Variants in COL4A2 observed in about 807,000 individuals in gnomAD.
COL4A2 encodes collagen alpha-2(IV) chain.
In COL4A2, 99 loss-of-function variants were observed where a neutral mutation model predicts 200.2. That is an observed-to-expected ratio of 0.49 (90% CI 0.42 to 0.58). COL4A2 has a LOEUF of 0.58. Ranked by LOEUF, COL4A2 falls within the 20% of genes least tolerant of loss-of-function variation. The pLI is 0.00. For synonymous variants in COL4A2, 897 were observed against 900.6 expected, an observed-to-expected ratio of 1.00 and a Z score of 0.07; for missense variants, 1,950 against 2,314.1, an observed-to-expected ratio of 0.84 and a Z score of 3.23.
At chr13:110,360,665 C>T (rs1023082006) in intron 4 of COL4A2, among the ~76,000 whole-genome samples, 1 of 152,212 alleles carries the variant, frequency 6.6e-6, no homozygotes, top group Admixed American at 6.5e-5. Flanking sequence ...CTTGAGTAAT[C>T]CAAAACTCCG....
intron 17 of COL4A2, among the ~76,000 whole-genome samples, chr13:110,446,164 T>C (rs548173681): frequency 6.6e-6 from 1 of 152,262 alleles, no homozygotes; most frequent in African/African-American, 2.4e-5. Flanking sequence ...GGCCTTGTAG[T>C]AACAAGAGGG....
chr13:110,311,895 G>T (rs1243591377), intron 3 of COL4A2, among the ~76,000 whole-genome samples: 1 of 152,202 alleles, frequency 6.6e-6, no homozygotes, highest in Non-Finnish European at 1.5e-5. Flanking sequence ...TGTCCTCGGG[G>T]CTCCAGCCCC....
chr13:110,501,882 G>A (rs1469331572), intron 41 of COL4A2, 98 bp downstream of exon 41: 5 of 1,212,970 alleles, frequency 4.1e-6, no homozygotes, highest in Admixed American at 2.1e-5. Flanking sequence ...TCATTTCCAC[G>A]CTGTGCCCAG....
intron 3 of COL4A2, chr13:110,328,258 AT>A (rs1875728728): frequency 6.6e-6 from 1 of 152,254 alleles, no homozygotes; most frequent in African/African-American, 2.4e-5. Context: ...TCGGAGGACC[AT>A]GAGTTCCTTG....
intron 4 of COL4A2, among the ~76,000 whole-genome samples, chr13:110,418,561 C>T (rs1880132946): frequency 6.6e-6 from 1 of 152,204 alleles, no homozygotes; most frequent in Non-Finnish European, 1.5e-5. Flanking sequence ...TGTTTCTTTA[C>T]ATGTGGATGT....
chr13:110,438,461 G>A lies in COL4A2; in HGVS notation c.862-157G>A, dbSNP rs553182975. ...GAAGGCTGGCGGGTCTCCTAGGACC[G>A]TGCCCTGCACTGCGCCTGAGTTGAG... is the stretch of plus-strand genomic sequence containing the variant. On this transcript the variant is annotated intron_variant, in intron 14 of 47. Coordinates refer to ENST00000360467, the MANE Select transcript of COL4A2 (RefSeq NM_001846.4). 1.9e-4 allele frequency: 180 copies of A among 969,770 alleles called. 1 individual carries two copies. In the African/African-American group the frequency reaches 2.3e-3, roughly 12 times the overall value. The allele number at this position is 969,770 out of a possible 1,614,324, so 60.1% of individuals were successfully genotyped here.
At chr13:110,442,692 G>A (rs1392645819) in intron 16 of COL4A2, among the ~76,000 whole-genome samples, 1 of 148,938 alleles carries the variant, frequency 6.7e-6, no homozygotes, top group Admixed American at 6.8e-5. Context: ...GAATGGAGAC[G>A]TAGCATTTAT....
chr13:110,492,619 T>C (rs373237038), intron 38 of COL4A2, among the ~76,000 whole-genome samples: 16 of 152,344 alleles, frequency 1.1e-4, no homozygotes, highest in East Asian at 9.7e-4. Context: ...ACCTGTTTGC[T>C]GTGTCCTGCT....
intron 18 of COL4A2, 52 bp from the exon 19 acceptor site, chr13:110,449,627 C>A: frequency 6.7e-7 from 1 of 1,483,334 alleles, no homozygotes; most frequent in Non-Finnish European, 9.0e-7. Context: ...ACGCCAGCTG[C>A]GATCCGTAGA....
chr13:110,466,159 A>C (rs1045004080), intron 26 of COL4A2, 97 bp downstream of exon 26: 5 of 1,416,894 alleles, frequency 3.5e-6, no homozygotes, highest in Non-Finnish European at 4.8e-6. Context: ...AGAAATATTA[A>C]TAATATGTGC....
intron 3 of COL4A2, among the ~76,000 whole-genome samples, chr13:110,342,079 A>G (rs1012439637): frequency 6.6e-6 from 1 of 152,212 alleles, no homozygotes; most frequent in Non-Finnish European, 1.5e-5. Context: ...ACCCTGGCTC[A>G]TTGGTTGACC....
At position 110,503,674 on chromosome 13, in the gene COL4A2, C is replaced by T. The variant is rs4773200; in HGVS notation, c.4139-173C>T. Among the ~76,000 whole-genome samples the T allele has an allele frequency of 0.4, 60,630 of 152,030 alleles. 12,553 individuals carry two copies. Among genetic ancestry groups the T allele is most frequent in the African/African-American group, 0.51 (21,119 of 41,478 alleles). ...GGGAATGGAGAGCTTAATATTCAAA[C>T]GGCAGGCGCTGAGTCACGGCTCAGG... On this transcript the variant is annotated intron_variant, in intron 43 of 47. Transcript: ENST00000360467.
At chr13:110,345,099 A>C (rs753139573) in intron 3 of COL4A2, among the ~76,000 whole-genome samples, 13 of 152,068 alleles carry the variant, frequency 8.5e-5, no homozygotes, top group Non-Finnish European at 1.5e-4. Context: ...TGGGGACTAG[A>C]TGTGAATCAA....
intron 16 of COL4A2, among the ~76,000 whole-genome samples, chr13:110,443,702 C>G (rs984198600): frequency 6.6e-6 from 1 of 152,122 alleles, no homozygotes; most frequent in African/African-American, 2.4e-5. Flanking sequence ...AGGGTGGGCT[C>G]TGTGGTGAGC....
chr13:110,501,838 A>C, intron 41 of COL4A2, 54 bp downstream of exon 41: 1 of 1,528,260 alleles, frequency 6.5e-7, no homozygotes, highest in Non-Finnish European at 9.0e-7. Flanking sequence ...AGGAGCTGGC[A>C]ATGGCCCGCT....
chr13:110,408,742 C>G (rs561893143), intron 4 of COL4A2, among the ~76,000 whole-genome samples: 79 of 152,240 alleles, frequency 5.2e-4, no homozygotes, highest in Non-Finnish European at 7.8e-4. Flanking sequence ...GAGACAAACA[C>G]AGGTCATAAT....
intron 27 of COL4A2, among the ~76,000 whole-genome samples, chr13:110,467,380 C>G (rs117253996): frequency 6.6e-6 from 1 of 152,214 alleles, no homozygotes; most frequent in Admixed American, 6.5e-5. Flanking sequence ...ATGGAAGCCT[C>G]GTGTTTAGGA....
chr13:110,409,407 T>G (rs1428916526), intron 4 of COL4A2, among the ~76,000 whole-genome samples: 1 of 152,240 alleles, frequency 6.6e-6, no homozygotes, highest in Admixed American at 6.5e-5. Context: ...CCTCTCCCAG[T>G]AATGCTCCTT....
intron 24 of COL4A2, among the ~76,000 whole-genome samples, chr13:110,464,100 T>G (rs1231970079): frequency 1.3e-5 from 2 of 152,062 alleles, no homozygotes; most frequent in Non-Finnish European, 2.9e-5. Flanking sequence ...TGTGGTCCGT[T>G]TGAGTCTGGA....
Sources: gnomAD v4.1 joint callset for allele counts (sites outside exome capture counted in the v4.1 genomes callset) on GRCh38, gnomAD v4.1.1 for gene constraint, MANE v1.5 for transcripts, NCBI Gene and HGNC (gene_info 2026-07-23, HGNC 2026-07-21) for gene names.